Variants in HPSE2 observed in about 807,000 individuals in gnomAD.
HPSE2 encodes the protein inactive heparanase-2.
HPSE2 carries 38 observed loss-of-function variants against 60.5 expected under a neutral mutation model. The ratio of observed to expected loss-of-function variants is 0.63; its 90% CI spans 0.48 to 0.82. The LOEUF is 0.82. Among genes scored for constraint, HPSE2 ranks in the 40% least tolerant of loss-of-function variants. HPSE2 has a pLI of 0.00. For missense variants in HPSE2, 713 were observed against 740.4 expected (o/e 0.96, Z 0.43); for synonymous variants, 295 against 293.2 (o/e 1.01, Z -0.06).
intron 3 of HPSE2, among the ~76,000 whole-genome samples, chr10:99,064,731 CA>C (rs199819713): frequency 0.014 from 1,994 of 142,148 alleles, 41 homozygotes; most frequent in African/African-American, 0.045. Flanking sequence ...CCTTATCAAC[CA>C]AAAAAAAAAA....
chr10:99,291,455 T>G, the HPSE2 span, among the ~76,000 whole-genome samples: 3 of 152,034 alleles, frequency 2.0e-5, no homozygotes, highest in African/African-American at 7.2e-5. Context: ...ATGGTGGCAC[T>G]TGCCTGTAGT....
chr10:98,580,106 G>A (rs1298564332), intron 9 of HPSE2, among the ~76,000 whole-genome samples: 2 of 152,186 alleles, frequency 1.3e-5, no homozygotes, highest in Non-Finnish European at 2.9e-5. Flanking sequence ...AGTCTCCCGC[G>A]TTGATGAGAA....
chr10:99,011,754 CAAAAAA>C (rs5787319), intron 3 of HPSE2, among the ~76,000 whole-genome samples: 1 of 93,108 alleles, frequency 1.1e-5, no homozygotes, highest in African/African-American at 4.5e-5. Context: ...GACTCCATCT[CAAAAAA>C]AAAAAAAAAA....
At chr10:99,254,204 C>T in the HPSE2 span, among the ~76,000 whole-genome samples, 1 of 152,174 alleles carries the variant, frequency 6.6e-6, no homozygotes, top group Non-Finnish European at 1.5e-5. Flanking sequence ...AAATGTGGTA[C>T]AGATACACCT....
intron 3 of HPSE2, among the ~76,000 whole-genome samples, chr10:98,852,112 G>GAT (rs140715558): frequency 0.043 from 3,586 of 82,474 alleles, 112 homozygotes; most frequent in South Asian, 0.11. Flanking sequence ...TGTATATTAT[G>GAT]ATGTGTGTGT....
intron 3 of HPSE2, among the ~76,000 whole-genome samples, chr10:99,116,493 T>C (rs1844696920): frequency 6.6e-6 from 1 of 152,194 alleles, no homozygotes; most frequent in Non-Finnish European, 1.5e-5. Flanking sequence ...ATGCAAATAT[T>C]ACTACCCACC....
chr10:99,165,454 A>C (rs1847038503), intron 2 of HPSE2, among the ~76,000 whole-genome samples: 1 of 152,196 alleles, frequency 6.6e-6, no homozygotes, highest in African/African-American at 2.4e-5. Flanking sequence ...GTTTCTTAAA[A>C]TGTGAAGACA....
chr10:98,638,690 A>T (rs1175220481), intron 7 of HPSE2, among the ~76,000 whole-genome samples: 1 of 152,160 alleles, frequency 6.6e-6, no homozygotes, highest in Non-Finnish European at 1.5e-5. Context: ...TCCAGTGCTT[A>T]GCACACCTTG....
chr10:98,596,631 T>A (rs1003281267), intron 9 of HPSE2, among the ~76,000 whole-genome samples: 12 of 152,048 alleles, frequency 7.9e-5, no homozygotes, highest in Non-Finnish European at 1.6e-4. Context: ...GGTTGGCAGG[T>A]TTTTTTGTTG....
intron 11 of HPSE2, among the ~76,000 whole-genome samples, chr10:98,469,653 TG>T (rs1940694887): frequency 6.6e-6 from 1 of 152,232 alleles, no homozygotes; most frequent in Non-Finnish European, 1.5e-5. Flanking sequence ...TTCTGCAGTC[TG>T]GGCTTATTAT....
At chr10:98,765,955 A>G (rs1950110802) in intron 3 of HPSE2, among the ~76,000 whole-genome samples, 2 of 152,132 alleles carry the variant, frequency 1.3e-5, no homozygotes, top group Non-Finnish European at 2.9e-5. Flanking sequence ...GAAATAGAGT[A>G]GAAATAAAAT....
intron 3 of HPSE2, among the ~76,000 whole-genome samples, chr10:98,828,150 C>T (rs1951595965): frequency 7.2e-6 from 1 of 138,240 alleles, no homozygotes; most frequent in African/African-American, 3.5e-5. Context: ...AAATAAATCT[C>T]TATCTCTCTG....
chr10:98,597,731 C>G (rs1473236541), intron 9 of HPSE2, among the ~76,000 whole-genome samples: 1 of 150,728 alleles, frequency 6.6e-6, no homozygotes. Context: ...ATCCCAGCAT[C>G]ATGGGAGGCT....
At chr10:98,499,406 A>G (rs1402350256) in intron 9 of HPSE2, among the ~76,000 whole-genome samples, 1 of 152,200 alleles carries the variant, frequency 6.6e-6, no homozygotes, top group Non-Finnish European at 1.5e-5. Flanking sequence ...GAAACTAAGC[A>G]TCATATATGA....
At chr10:99,044,539 C>T (rs1957812027) in intron 3 of HPSE2, among the ~76,000 whole-genome samples, 1 of 152,096 alleles carries the variant, frequency 6.6e-6, no homozygotes, top group African/African-American at 2.4e-5. Context: ...ACTGAACACC[C>T]CACTTAAAAG....
the HPSE2 span, among the ~76,000 whole-genome samples, chr10:99,301,832 A>G: frequency 6.6e-6 from 1 of 151,912 alleles, no homozygotes; most frequent in African/African-American, 2.4e-5. Flanking sequence ...AAGGACACCA[A>G]TGGTTAACAG....
At chr10:98,945,175 G>A (rs993280969) in intron 3 of HPSE2, among the ~76,000 whole-genome samples, 14 of 152,238 alleles carry the variant, frequency 9.2e-5, no homozygotes, top group African/African-American at 3.4e-4. Context: ...CCCAAAAAAA[G>A]AAGTGAATTT....
At chr10:99,124,098 G>A (rs73331960) in intron 3 of HPSE2, among the ~76,000 whole-genome samples, 1,820 of 152,238 alleles carry the variant, frequency 0.012, 37 homozygotes, top group African/African-American at 0.041. Flanking sequence ...TTGAGGCTGC[G>A]CCTGGGCACT....
chr10:98,870,325 G>A (rs1160624596), intron 3 of HPSE2, among the ~76,000 whole-genome samples: 1 of 152,184 alleles, frequency 6.6e-6, no homozygotes, highest in Non-Finnish European at 1.5e-5. Context: ...AGAGATCTGA[G>A]CTGGCTCTCA....
Sources: gnomAD v4.1 joint callset for allele counts (sites outside exome capture counted in the v4.1 genomes callset) on GRCh38, gnomAD v4.1.1 for gene constraint, MANE v1.5 for transcripts, NCBI Gene and HGNC (gene_info 2026-07-23, HGNC 2026-07-21) for gene names.